The following SOAT1 variants were observed in gnomAD, a reference collection of about 807,000 sequenced individuals.
The protein encoded by SOAT1 is acyl-coenzyme A:cholesterol acyltransferase 1.
Under a neutral mutation model 69.5 loss-of-function variants are expected in SOAT1, and 55 were observed. The observed-to-expected ratio is 0.79, with a 90% CI of 0.64 to 0.99. SOAT1 has a LOEUF of 0.99. Among genes scored for constraint, SOAT1 ranks in the 50% least tolerant of loss-of-function variants. SOAT1 has a pLI of 0.00. For missense variants in SOAT1, 580 were observed against 669.3 expected (o/e 0.87, Z 1.47); for synonymous variants, 231 against 224.7 (o/e 1.03, Z -0.25).
chr1:179,304,860 C>T (rs1254458972), intron 2 of SOAT1, among the ~76,000 whole-genome samples: 1 of 152,016 alleles, frequency 6.6e-6, no homozygotes, highest in African/African-American at 2.4e-5. Context: ...GTTGGCCAGG[C>T]TGGTCTTGAA....
intron 1 of SOAT1, among the ~76,000 whole-genome samples, chr1:179,294,738 G>A (rs1664571767): frequency 1.3e-5 from 2 of 152,122 alleles, no homozygotes; most frequent in African/African-American, 2.4e-5. Context: ...CACCATGTTG[G>A]ACCAGGTTGG....
intron 1 of SOAT1, 99 bp from the exon 2 acceptor site, chr1:179,302,578 C>T (rs1664869153): frequency 1.5e-6 from 1 of 667,614 alleles, no homozygotes; most frequent in Non-Finnish European, 2.4e-6. Context: ...AACTGTGAGA[C>T]AGTTAAACCT....
chr1:179,343,646 G>C lies in SOAT1; in HGVS notation c.987+11G>C. 1.3e-6 allele frequency: 2 copies of C among 1,596,994 alleles called. No homozygotes were observed. Among genetic ancestry groups the C allele is most frequent in the Non-Finnish European group, 1.7e-6 (2 of 1,165,920 alleles). On this transcript the variant is annotated intron_variant, in intron 10 of 15. Transcript: ENST00000367619. The stretch of plus-strand genomic sequence containing the variant: ...ATGAAGTTTGCACAGGTAAGTTTTT[G>C]TAACTGCCTAAGGTATGTTGATTAG...
intron 2 of SOAT1, among the ~76,000 whole-genome samples, chr1:179,303,624 A>C (rs1451357720): frequency 6.6e-6 from 1 of 152,230 alleles, no homozygotes; most frequent in African/African-American, 2.4e-5. Flanking sequence ...CTTAAATATC[A>C]ACAGCTGGAT....
At position 179,339,565 on chromosome 1, in the gene SOAT1, G is replaced by A. The variant is rs948046666; in HGVS notation, c.497+20G>A. 1.3e-6 allele frequency: 2 copies of A among 1,525,166 alleles called. No individual in the cohort carries two copies. Among genetic ancestry groups the A allele is most frequent in the Non-Finnish European group, 9.0e-7 (1 of 1,110,672 alleles). The allele number at this position is 1,525,166 out of a possible 1,614,324, so 94.5% of individuals were successfully genotyped here. ...AGGAAGGTAAGACAACAAAAAAGAT[G>A]GCTGGCTAGTTGATGCATGAGAAGT... On this transcript the variant is annotated intron_variant, in intron 6 of 15. Coordinates refer to ENST00000367619, the MANE Select transcript of SOAT1 (RefSeq NM_003101.6).
At position 179,341,104 on chromosome 1, in the gene SOAT1, T is replaced by A. The variant is rs374890620; in HGVS notation, c.574T>A (p.Phe192Ile). ...PTVVWTWWIM[F>I]LSTFSVPYFL... ...CGTTGTTTGGACCTGGTGGATCATG[T>A]TCCTGTCTACATTTTCAGTTCCCTA... The change falls in exon 7 of 16, where the codon TTC (phenylalanine) becomes ATC (isoleucine). Residue 192 changes from phenylalanine (F) to isoleucine (I), a missense_variant. Coordinates refer to ENST00000367619, the MANE Select transcript of SOAT1 (RefSeq NM_003101.6). 23 of 1,614,046 alleles carry A rather than the reference T, an allele frequency of 1.4e-5. No individual in the cohort carries two copies. Among genetic ancestry groups the A allele is most frequent in the Non-Finnish European group, 1.8e-5 (21 of 1,180,006 alleles).
At chr1:179,325,623 G>C (rs1261292688) in intron 3 of SOAT1, among the ~76,000 whole-genome samples, 1 of 152,004 alleles carries the variant, frequency 6.6e-6, no homozygotes, top group Non-Finnish European at 1.5e-5. Context: ...CTATTTGTGA[G>C]GGCAAGTTTC....
At chr1:179,344,767 A>G (rs1371936839) in intron 10 of SOAT1, among the ~76,000 whole-genome samples, 180 bp from the exon 11 acceptor site, 1 of 152,182 alleles carries the variant, frequency 6.6e-6, no homozygotes, top group African/African-American at 2.4e-5. Context: ...GTGATGGTAG[A>G]AACTAGGCTT....
Position 179,342,847 on chromosome 1 carries a change from G to C in SOAT1, c.860-15G>C. 3.1e-6 allele frequency: 5 copies of C among 1,600,878 alleles called. No homozygotes were observed. The highest frequency in any genetic ancestry group is 4.3e-6 in the Non-Finnish European group (5 of 1,168,564). ...TCAAAGAGCCTTTGCTCTAACTATA[G>C]TTTTCCTTTTCTAGGCACTGTTCCA... On this transcript the variant is annotated splice_polypyrimidine_tract_variant and intron_variant, in intron 8 of 15. Coordinates refer to ENST00000367619, the MANE Select transcript of SOAT1 (RefSeq NM_003101.6).
At chr1:179,298,313 C>A (rs552894676) in intron 1 of SOAT1, among the ~76,000 whole-genome samples, 6 of 152,150 alleles carry the variant, frequency 3.9e-5, no homozygotes, top group African/African-American at 1.4e-4. Context: ...TGGTCTCGAT[C>A]TCCTGACCTG....
At chr1:179,311,767 G>T (rs1665229700) in intron 2 of SOAT1, among the ~76,000 whole-genome samples, 2 of 152,056 alleles carry the variant, frequency 1.3e-5, no homozygotes, top group South Asian at 4.1e-4. Flanking sequence ...AGTGTTAGTA[G>T]AACTACAGAT....
intron 2 of SOAT1, among the ~76,000 whole-genome samples, chr1:179,309,315 C>T (rs2124944727): frequency 6.6e-6 from 1 of 152,264 alleles, no homozygotes; most frequent in Middle Eastern, 3.4e-3. Flanking sequence ...AACTCCTGAC[C>T]TAGTGCGCCG....
Position 179,354,073 on chromosome 1 carries a change from T to C in SOAT1, c.*432T>C, listed in dbSNP as rs1179121641. On this transcript the variant is annotated 3_prime_UTR_variant, in exon 16 of 16. Coordinates refer to ENST00000367619, the MANE Select transcript of SOAT1 (RefSeq NM_003101.6). The stretch of plus-strand genomic sequence containing the variant: ...CTTAGAAATTTTTTCATGCACACTG[T>C]TGGAATGTATGCTAATTGAACATGC... 1 of 157,508 alleles carries C rather than the reference T, an allele frequency of 6.3e-6. No homozygotes were observed. The highest frequency in any genetic ancestry group is 1.4e-5 in the Non-Finnish European group (1 of 71,590). 9.8% of individuals were successfully genotyped at this position (157,508 alleles called of 1,614,324 possible).
chr1:179,320,596 A>G (rs953801321), intron 2 of SOAT1, among the ~76,000 whole-genome samples: 2 of 152,208 alleles, frequency 1.3e-5, no homozygotes, highest in African/African-American at 4.8e-5. Flanking sequence ...TGCCATATTA[A>G]CAATATTAAA....
At chr1:179,296,248 C>T (rs895451951) in intron 1 of SOAT1, among the ~76,000 whole-genome samples, 7 of 152,042 alleles carry the variant, frequency 4.6e-5, no homozygotes, top group Non-Finnish European at 1.0e-4. Flanking sequence ...GGATTACAGG[C>T]GTGAGCCACT....
chr1:179,351,594 T>G, intron 15 of SOAT1, 132 bp downstream of exon 15: 1 of 777,182 alleles, frequency 1.3e-6, no homozygotes, highest in Non-Finnish European at 2.0e-6. Flanking sequence ...AAATGAGGAG[T>G]AAAAGCATTA....
At position 179,355,036 on chromosome 1, in the gene SOAT1, T is replaced by G. The variant is rs781465928; in HGVS notation, c.*1395T>G. The G allele has an allele frequency of 3.9e-5, 6 of 152,226 alleles. No individual in the cohort carries two copies. Among genetic ancestry groups the G allele is most frequent in the Non-Finnish European group, 8.8e-5 (6 of 68,042 alleles). 9.4% of individuals were successfully genotyped at this position (152,226 alleles called of 1,614,324 possible). A position where few individuals can be genotyped will look rare whatever the true frequency, so the allele number is the denominator to read the frequency against. ...GAGTTTCTTAATAGTCACAACTTAA[T>G]TTGAACCACAAGTATCCAGCTTAAT... On this transcript the variant is annotated 3_prime_UTR_variant, in exon 16 of 16. Transcript: ENST00000367619.
chr1:179,340,819 TGATA>T (rs1349843057), intron 6 of SOAT1, among the ~76,000 whole-genome samples: 1 of 26,168 alleles, frequency 3.8e-5, no homozygotes, highest in Non-Finnish European at 7.5e-5. Flanking sequence ...CATATATTGT[TGATA>T]TATATATATA....
chr1:179,343,500 C>A, intron 9 of SOAT1, 90 bp from the exon 10 acceptor site: 1 of 1,151,522 alleles, frequency 8.7e-7, no homozygotes, highest in Non-Finnish European at 1.3e-6. Flanking sequence ...TGAGCCACCG[C>A]GCCTGACCAA....
Sources: gnomAD v4.1 joint callset for allele counts (sites outside exome capture counted in the v4.1 genomes callset) on GRCh38, gnomAD v4.1.1 for gene constraint, MANE v1.5 for transcripts, NCBI Gene and HGNC (gene_info 2026-07-23, HGNC 2026-07-21) for gene names.